The following SUPT16H variants were observed in gnomAD, a reference collection of about 807,000 sequenced individuals.
SUPT16H encodes the protein FACT complex subunit SPT16.
A neutral mutation model predicts 136.2 loss-of-function variants in SUPT16H; 24 were observed. The ratio of observed to expected loss-of-function variants is 0.18; its 90% CI spans 0.13 to 0.25. SUPT16H has a LOEUF of 0.25. Among genes scored for constraint, SUPT16H ranks in the 10% least tolerant of loss-of-function variants. The pLI is 1.00. For synonymous variants in SUPT16H, 415 were observed against 428.2 expected, an observed-to-expected ratio of 0.97 and a Z score of 0.38; for missense variants, 623 against 1,270.2, an observed-to-expected ratio of 0.49 and a Z score of 7.74.
In SUPT16H at chr14:21,382,663, T is replaced by G. The variant is rs1474235940; in HGVS notation, c.66+1199A>C. Among the ~76,000 whole-genome samples, 5 of 65,746 alleles carry G rather than the reference T, an allele frequency of 7.6e-5. No homozygotes were observed. In the East Asian group the frequency reaches 2.6e-3, roughly 34 times the overall value. 43.1% of individuals were successfully genotyped at this position (65,746 alleles called of 152,430 possible). Reference sequence around the variant, plus strand: ...AAATGTTTTTCTAACATCGATTATGTTTGAATAATATGACACTGAGAGAAG... The same window carrying G: ...AAATGTTTTTCTAACATCGATTATGGTTGAATAATATGACACTGAGAGAAG... On this transcript the variant is annotated intron_variant, in intron 1 of 25. Coordinates refer to ENST00000216297, the MANE Select transcript of SUPT16H (RefSeq NM_007192.4).
chr14:21,351,841 G>A lies in SUPT16H; in HGVS notation c.*832C>T, dbSNP rs905094785. The A allele has an allele frequency of 2.0e-5, 3 of 152,792 alleles. No homozygotes were observed. The highest frequency in any genetic ancestry group is 7.2e-5 in the African/African-American group (3 of 41,442). The allele number at this position is 152,792 out of a possible 1,614,324, so 9.5% of individuals were successfully genotyped here. On this transcript the variant is annotated 3_prime_UTR_variant, in exon 26 of 26. Coordinates refer to ENST00000216297, the MANE Select transcript of SUPT16H (RefSeq NM_007192.4). The stretch of plus-strand genomic sequence containing the variant: ...CTCTTTTCTCATCAGGGTATTCTAG[G>A]CCCAAGGCATGACTTGTCCCTTCCA...
At chr14:21,365,366 G>A (rs1049076813) in intron 8 of SUPT16H, among the ~76,000 whole-genome samples, 1 of 151,992 alleles carries the variant, frequency 6.6e-6, no homozygotes. Context: ...TGATTATATC[G>A]AGCCTTTTTA....
rs369531297 is a variant in SUPT16H, at chr14:21,360,827, C to T, written c.2056+19G>A. 9.4e-5 allele frequency: 152 copies of T among 1,610,500 alleles called. No individual in the cohort carries two copies. The highest frequency in any genetic ancestry group is 1.2e-4 in the Non-Finnish European group (146 of 1,178,794). On this transcript the variant is annotated intron_variant, in intron 17 of 25. Coordinates refer to ENST00000216297, the MANE Select transcript of SUPT16H (RefSeq NM_007192.4). Reference sequence around the variant, plus strand: ...GTGCCCTGAAGAGAAAGCCTAGGTACAGGAGAGATCATCCATACCATTGAC... The same window carrying T: ...GTGCCCTGAAGAGAAAGCCTAGGTATAGGAGAGATCATCCATACCATTGAC...
chr14:21,361,005 C>A (rs748779234), intron 16 of SUPT16H, 33 bp from the exon 17 acceptor site: 4 of 1,611,660 alleles, frequency 2.5e-6, no homozygotes, highest in Non-Finnish European at 3.4e-6. Flanking sequence ...TGAATTGTCA[C>A]ATATCCTTAC....
chr14:21,355,339 A>G (rs1253914915), intron 22 of SUPT16H, among the ~76,000 whole-genome samples: 2 of 152,000 alleles, frequency 1.3e-5, no homozygotes, highest in Non-Finnish European at 1.5e-5. Flanking sequence ...TAAAAATACA[A>G]AAAATTAGCC....
intron 14 of SUPT16H, 119 bp downstream of exon 14, chr14:21,362,675 G>T: frequency 8.4e-7 from 1 of 1,189,852 alleles, no homozygotes; most frequent in South Asian, 1.6e-5. Flanking sequence ...GTCAGTAACT[G>T]AACAGAGTCT....
At chr14:21,371,269 G>A (rs1886779380) in intron 3 of SUPT16H, among the ~76,000 whole-genome samples, 1 of 152,048 alleles carries the variant, frequency 6.6e-6, no homozygotes, top group African/African-American at 2.4e-5. Context: ...AGGTGAAAGT[G>A]CTGCCGTAAG....
rs143235888 is a variant in SUPT16H, at chr14:21,362,285, G to T, written c.1705C>A (p.Arg569=). 126 of 1,613,944 alleles carry T rather than the reference G, an allele frequency of 7.8e-5. No individual in the cohort carries two copies. The East Asian group carries it at 2.8e-3, about 36-fold the overall frequency. The part of the protein sequence containing the change: ...MSVEGDYTYL[R]INFYCPGSAL... The stretch of plus-strand genomic sequence containing the variant: ...CTGCCTGGGCAATAAAAGTTGATTC[G>T]CAAGTAAGTATAATCTCCTTCCACG... The change falls in exon 15 of 26, where the codon CGA becomes AGA. Residue 569 remains arginine, a synonymous_variant. Transcript: ENST00000216297.
Position 21,358,571 on chromosome 14 carries a change from T to C in SUPT16H, c.2302-144A>G. 9.6e-6 allele frequency: 6 copies of C among 623,530 alleles called. No individual in the cohort carries two copies. The South Asian group carries it at 1.2e-4, about 12-fold the overall frequency. The allele number at this position is 623,530 out of a possible 1,614,324, so 38.6% of individuals were successfully genotyped here. A position where few individuals can be genotyped will look rare whatever the true frequency, so the allele number is the denominator to read the frequency against. Reference sequence around the variant, plus strand: ...GCATGGGCAGGATTTGCAGGTTTGTTACACAGGTAAACGTGTGCCATGGTG... The same window carrying C: ...GCATGGGCAGGATTTGCAGGTTTGTCACACAGGTAAACGTGTGCCATGGTG... On this transcript the variant is annotated intron_variant, in intron 19 of 25. Transcript: ENST00000216297.
At chr14:21,367,644 TAG>T (rs1193721538) in intron 7 of SUPT16H, among the ~76,000 whole-genome samples, 1 of 152,208 alleles carries the variant, frequency 6.6e-6, no homozygotes, top group African/African-American at 2.4e-5. Flanking sequence ...ATCCTGTAGG[TAG>T]AGATACTAGT....
chr14:21,381,608 ATT>A (rs10607680), intron 1 of SUPT16H, among the ~76,000 whole-genome samples: 123,744 of 148,540 alleles, frequency 0.83, 52,562 homozygotes, highest in Non-Finnish European at 0.93. Flanking sequence ...CTTGGGATTT[ATT>A]TTTTTTTTTT....
At chr14:21,360,557 T>G (rs760713189) in intron 17 of SUPT16H, 24 bp from the exon 18 acceptor site, 2 of 1,590,544 alleles carry the variant, frequency 1.3e-6, no homozygotes, top group Non-Finnish European at 8.6e-7. Flanking sequence ...TGAAGAAATG[T>G]CAAGCAGTAT....
intron 10 of SUPT16H, among the ~76,000 whole-genome samples, chr14:21,363,785 T>G (rs1374832457): frequency 6.6e-6 from 1 of 152,118 alleles, no homozygotes; most frequent in African/African-American, 2.4e-5. Flanking sequence ...TTCAAGTGAT[T>G]CTCCTGCCTC....
intron 2 of SUPT16H, 28 bp from the exon 3 acceptor site, chr14:21,372,072 G>C (rs111978752): frequency 6.3e-7 from 1 of 1,583,936 alleles, no homozygotes; most frequent in Non-Finnish European, 8.6e-7. Flanking sequence ...AGTGACAACG[G>C]TATTTACAGA....
At chr14:21,360,649 C>T (rs993096560) in intron 17 of SUPT16H, 116 bp from the exon 18 acceptor site, 2 of 1,188,896 alleles carry the variant, frequency 1.7e-6, no homozygotes, top group Non-Finnish European at 2.4e-6. Flanking sequence ...CTGTATAGAG[C>T]TTTCCTTTCC....
intron 22 of SUPT16H, among the ~76,000 whole-genome samples, chr14:21,355,139 A>G (rs2013530988): frequency 6.6e-6 from 1 of 152,052 alleles, no homozygotes; most frequent in Admixed American, 6.6e-5. Context: ...TCTTATTTCT[A>G]AGTAGTCTTA....
Position 21,362,332 on chromosome 14 carries a change from A to G in SUPT16H, c.1666-8T>C, listed in dbSNP as rs1321429783. 6.2e-7 allele frequency: 1 copy of G among 1,605,404 alleles called. No individual in the cohort carries two copies. The highest frequency in any genetic ancestry group is 8.5e-7 in the Non-Finnish European group (1 of 1,177,262). On this transcript the variant is annotated splice_region_variant and splice_polypyrimidine_tract_variant and intron_variant, in intron 14 of 25. Coordinates refer to ENST00000216297, the MANE Select transcript of SUPT16H (RefSeq NM_007192.4). ...CACGGACATACTTATATTCTGTTCAAAGGAAAAGCATAAAAAGTAAACAGA... is the reference window on the plus strand; with the variant it reads ...CACGGACATACTTATATTCTGTTCAGAGGAAAAGCATAAAAAGTAAACAGA...
chr14:21,364,609 T>C (rs999596105), intron 10 of SUPT16H, among the ~76,000 whole-genome samples: 1 of 152,204 alleles, frequency 6.6e-6, no homozygotes, highest in African/African-American at 2.4e-5. Flanking sequence ...ATTATCATTA[T>C]CAAGGTTCAA....
intron 2 of SUPT16H, 43 bp from the exon 3 acceptor site, chr14:21,372,087 A>C (rs115832885): frequency 6.4e-7 from 1 of 1,569,146 alleles, no homozygotes; most frequent in Non-Finnish European, 8.6e-7. Flanking sequence ...TACAGATACA[A>C]AAATTAATGG....
Sources: allele counts gnomAD v4.1 joint callset (sites outside exome capture counted in the v4.1 genomes callset), GRCh38; gene constraint gnomAD v4.1.1; transcripts MANE v1.5; gene names NCBI Gene and HGNC (gene_info 2026-07-23, HGNC 2026-07-21).